The following BICC1 variants were observed in gnomAD, a reference collection of about 807,000 sequenced individuals.
BICC1 encodes protein bicaudal C homolog 1.
In BICC1, 43 loss-of-function variants were observed where a neutral mutation model predicts 111.0. The observed-to-expected ratio is 0.39, with a 90% confidence interval of 0.30 to 0.50. BICC1 has a LOEUF of 0.50. Among genes scored for constraint, BICC1 ranks in the 20% least tolerant of loss-of-function variants. The pLI is 0.88. For missense variants in BICC1, 1,091 were observed against 1,203.2 expected, an observed-to-expected ratio of 0.91 and a Z score of 1.38; for synonymous variants, 467 against 434.4, an observed-to-expected ratio of 1.07 and a Z score of -0.93.
chr10:58,713,704 A>T (rs964208656), intron 3 of BICC1, among the ~76,000 whole-genome samples: 14 of 152,244 alleles, frequency 9.2e-5, no homozygotes, highest in African/African-American at 3.4e-4. Context: ...GAAAACTCAG[A>T]CTTAAGCTAC....
intron 1 of BICC1, among the ~76,000 whole-genome samples, chr10:58,514,142 G>T (rs1335764981): frequency 6.6e-6 from 1 of 152,210 alleles, no homozygotes; most frequent in Non-Finnish European, 1.5e-5. Flanking sequence ...TAATACGAGT[G>T]TTGGAGTGAA....
At chr10:58,606,067 C>T (rs879632110) in intron 1 of BICC1, among the ~76,000 whole-genome samples, 21 of 151,526 alleles carry the variant, frequency 1.4e-4, no homozygotes, top group Non-Finnish European at 2.5e-4. Flanking sequence ...TTTTTTTTCC[C>T]TGACAACTTT....
At chr10:58,723,164 A>C (rs912234418) in intron 3 of BICC1, among the ~76,000 whole-genome samples, 9 of 152,238 alleles carry the variant, frequency 5.9e-5, no homozygotes, top group African/African-American at 2.2e-4. Flanking sequence ...ATAAATATTT[A>C]TTAAAACTAA....
At chr10:58,813,579 T>TCTCCCTCAGAATCTA (rs1334680171) in intron 17 of BICC1, among the ~76,000 whole-genome samples, 14 of 152,192 alleles carry the variant, frequency 9.2e-5, no homozygotes, top group Admixed American at 5.2e-4. Flanking sequence ...CTCTCAGAAC[T>TCTCCCTCAGAATCTA]CTCCCTCAGA....
At chr10:58,632,425 GGCAT>G (rs529241347) in intron 2 of BICC1, among the ~76,000 whole-genome samples, 236 of 152,268 alleles carry the variant, frequency 1.5e-3, no homozygotes, top group African/African-American at 5.3e-3. Context: ...CCTCAAGAGG[GGCAT>G]ACTCCAGAGG....
chr10:58,722,940 G>C (rs548191737), intron 3 of BICC1, among the ~76,000 whole-genome samples: 2 of 152,282 alleles, frequency 1.3e-5, no homozygotes, highest in Non-Finnish European at 2.9e-5. Flanking sequence ...TAAGGTAACA[G>C]GTGTTAAGGC....
intron 3 of BICC1, 113 bp from the exon 4 acceptor site, chr10:58,784,888 G>A: frequency 2.4e-6 from 1 of 415,720 alleles, no homozygotes; most frequent in Non-Finnish European, 4.2e-6. Flanking sequence ...TCCAAATGTT[G>A]AGTTTATTAT....
intron 1 of BICC1, among the ~76,000 whole-genome samples, chr10:58,619,129 TTTTA>T (rs1179488933): frequency 3.9e-5 from 6 of 152,256 alleles, no homozygotes; most frequent in Admixed American, 3.9e-4. Flanking sequence ...CTTCCTATCT[TTTTA>T]TTTAATCACA....
chr10:58,553,644 T>C (rs577466179), intron 1 of BICC1, among the ~76,000 whole-genome samples: 1 of 152,298 alleles, frequency 6.6e-6, no homozygotes, highest in South Asian at 2.1e-4. Context: ...AGGAACACCA[T>C]GCAAGTTAAT....
chr10:58,581,799 A>G (rs943348225), intron 1 of BICC1, among the ~76,000 whole-genome samples: 32 of 152,172 alleles, frequency 2.1e-4, no homozygotes, highest in African/African-American at 6.5e-4. Context: ...TTTGTTTTCA[A>G]TGGATGAAAT....
At chr10:58,561,819 G>A (rs1843612364) in intron 1 of BICC1, among the ~76,000 whole-genome samples, 1 of 151,948 alleles carries the variant, frequency 6.6e-6, no homozygotes, top group African/African-American at 2.4e-5. Flanking sequence ...TTGCTCTAGT[G>A]GTAATGGATT....
At chr10:58,791,982 G>T (rs1029036359) in intron 8 of BICC1, among the ~76,000 whole-genome samples, 1 of 151,946 alleles carries the variant, frequency 6.6e-6, no homozygotes, top group African/African-American at 2.4e-5. Flanking sequence ...AGTAGAGATG[G>T]GGTTTCACTA....
chr10:58,764,602 G>A (rs765693018), intron 3 of BICC1, among the ~76,000 whole-genome samples: 1 of 150,444 alleles, frequency 6.6e-6, no homozygotes, highest in African/African-American at 2.4e-5. Flanking sequence ...GAAACATAGA[G>A]CCTGGAAATT....
At chr10:58,754,487 T>C (rs1842083433) in intron 3 of BICC1, among the ~76,000 whole-genome samples, 1 of 152,172 alleles carries the variant, frequency 6.6e-6, no homozygotes, top group South Asian at 2.1e-4. Flanking sequence ...ATTAAGAAAA[T>C]CCACAGCTGT....
At chr10:58,661,420 C>A (rs1202591810) in intron 2 of BICC1, among the ~76,000 whole-genome samples, 3 of 152,000 alleles carry the variant, frequency 2.0e-5, no homozygotes, top group Non-Finnish European at 2.9e-5. Context: ...GGTCACTGGC[C>A]TAGATTATAA....
intron 14 of BICC1, 47 bp from the exon 15 acceptor site, chr10:58,803,030 A>C (rs778675578): frequency 2.0e-6 from 3 of 1,480,742 alleles, no homozygotes; most frequent in Admixed American, 2.3e-5. Flanking sequence ...CATTCAGTAC[A>C]TTTGTATATA....
intron 1 of BICC1, among the ~76,000 whole-genome samples, chr10:58,613,989 A>G (rs1381290345): frequency 6.6e-6 from 1 of 152,166 alleles, no homozygotes; most frequent in Non-Finnish European, 1.5e-5. Flanking sequence ...TTAAATGAGC[A>G]TTTTAAATGC....
At chr10:58,783,395 G>C (rs1410110158) in intron 3 of BICC1, among the ~76,000 whole-genome samples, 1 of 151,840 alleles carries the variant, frequency 6.6e-6, no homozygotes, top group Non-Finnish European at 1.5e-5. Context: ...CCTCTTTTTT[G>C]GTGAGGGGAG....
intron 1 of BICC1, among the ~76,000 whole-genome samples, chr10:58,567,483 A>C (rs1345419377): frequency 1.3e-5 from 2 of 151,654 alleles, no homozygotes; most frequent in Non-Finnish European, 2.9e-5. Context: ...CTAGGAGATA[A>C]ATACATGTAT....
Sources: gnomAD v4.1 joint callset for allele counts (sites outside exome capture counted in the v4.1 genomes callset) on GRCh38, gnomAD v4.1.1 for gene constraint, MANE v1.5 for transcripts, NCBI Gene and HGNC (gene_info 2026-07-23, HGNC 2026-07-21) for gene names.